The following NBEA variants were observed in gnomAD, a reference collection of about 807,000 sequenced individuals.
NBEA encodes the protein neurobeachin.
NBEA carries 44 observed loss-of-function variants against 343.4 expected under a neutral mutation model. The observed-to-expected ratio is 0.13, with a 90% confidence interval of 0.10 to 0.16. The LOEUF (loss-of-function observed/expected upper bound fraction) is 0.16, where lower values mean the gene tolerates loss of function less well. Ranked by LOEUF, NBEA falls within the 10% of genes least tolerant of loss-of-function variation. The pLI, the probability that NBEA is intolerant of heterozygous loss-of-function variation, is 1.00. For synonymous variants in NBEA, 1,175 were observed against 1,238.7 expected (o/e 0.95, Z 1.08); for missense variants, 2,555 against 3,631.3 (o/e 0.70, Z 7.62).
At chr13:35,059,763 G>A (rs201919972) in intron 8 of NBEA, among the ~76,000 whole-genome samples, 3 of 114,118 alleles carry the variant, frequency 2.6e-5, no homozygotes, top group African/African-American at 8.4e-5. Flanking sequence ...TATATATACA[G>A]AGAGAGAGAG....
intron 38 of NBEA, among the ~76,000 whole-genome samples, chr13:35,364,490 C>T (rs957201827): frequency 6.6e-6 from 1 of 151,676 alleles, no homozygotes; most frequent in African/African-American, 2.4e-5. Flanking sequence ...GATTGATGAG[C>T]AGAAAATTAA....
chr13:35,156,300 G>A (rs1294295601), intron 20 of NBEA, 94 bp downstream of exon 20: 2 of 1,256,832 alleles, frequency 1.6e-6, no homozygotes, highest in African/African-American at 3.2e-5. Flanking sequence ...TTTCCATATT[G>A]CTAAATACTT....
chr13:35,146,003 T>C (rs2068398546), intron 18 of NBEA, among the ~76,000 whole-genome samples: 3 of 152,190 alleles, frequency 2.0e-5, no homozygotes, highest in South Asian at 4.1e-4. Flanking sequence ...AAATTATTTT[T>C]GTCTTTTAAA....
intron 34 of NBEA, among the ~76,000 whole-genome samples, chr13:35,242,649 TTGTACA>T (rs2030510837): frequency 2.0e-5 from 3 of 151,656 alleles, no homozygotes; most frequent in Admixed American, 1.3e-4. Context: ...CAAGAGAAAA[TTGTACA>T]TGTACAATGA....
At chr13:35,213,058 G>C (rs2073873744) in intron 33 of NBEA, among the ~76,000 whole-genome samples, 1 of 151,788 alleles carries the variant, frequency 6.6e-6, no homozygotes, top group East Asian at 1.9e-4. Context: ...AAGTGCTTTT[G>C]GTGTTGTAAA....
Position 35,345,598 on chromosome 13 carries a change from AG to A in NBEA, c.5904-3509del, listed in dbSNP as rs2039827072. On this transcript the variant is annotated intron_variant, in intron 36 of 58. Coordinates refer to ENST00000379939, the MANE Select transcript of NBEA (RefSeq NM_001385012.1). ...TACTTTCCTTAGCAGTCTAGATGTA[AG>A]ACTGAGAAAGGAGACCAGTGTGTTA... Among the ~76,000 whole-genome samples, 3 of 152,164 alleles carry A rather than the reference AG, an allele frequency of 2.0e-5. No individual in the cohort carries two copies. The South Asian group carries it at 6.2e-4, about 32-fold the overall frequency.
Position 35,056,041 on chromosome 13 carries a change from A to G in NBEA, c.1004A>G (p.Asn335Ser), listed in dbSNP as rs757670880. 9.3e-6 allele frequency: 15 copies of G among 1,604,954 alleles called. No individual in the cohort carries two copies. Among genetic ancestry groups the G allele is most frequent in the South Asian group, 3.4e-5 (3 of 89,156 alleles). ...WYMISIVHIY[N>S]RWRNSEIRCY... is the part of the protein sequence containing the mutation. ...ATGATCAGCATTGTCCACATTTACA[A>G]TCGATGGAGGAACAGTGAAATTCGG... is the stretch of plus-strand genomic sequence containing the variant. Residue 335 changes from asparagine to serine, a missense_variant, in exon 7 of 59, where the codon AAT becomes AGT. By Grantham distance (46) the Asn-to-Ser change is conservative. Around this residue, in one of 21 missense-constraint regions of NBEA, gnomAD observed 75 missense variants for 237.4 expected, o/e 0.32. Coordinates refer to ENST00000379939, the MANE Select transcript of NBEA (RefSeq NM_001385012.1).
intron 6 of NBEA, 116 bp downstream of exon 6, chr13:35,050,511 C>A: frequency 9.1e-7 from 1 of 1,099,998 alleles, no homozygotes; most frequent in South Asian, 1.9e-5. Flanking sequence ...TAATTGTTTT[C>A]TCTTATCCTT....
At chr13:35,495,352 AC>A (rs1191182038) in intron 41 of NBEA, among the ~76,000 whole-genome samples, 1 of 151,990 alleles carries the variant, frequency 6.6e-6, no homozygotes, top group Non-Finnish European at 1.5e-5. Flanking sequence ...GCACCTAACA[AC>A]AAAGCCCAAT....
At chr13:35,531,058 C>T (rs972297625) in intron 41 of NBEA, among the ~76,000 whole-genome samples, 1 of 152,170 alleles carries the variant, frequency 6.6e-6, no homozygotes, top group African/African-American at 2.4e-5. Context: ...TAGAAATATG[C>T]TTCTTTGTCA....
intron 33 of NBEA, among the ~76,000 whole-genome samples, chr13:35,219,867 T>TG (rs2074266907): frequency 6.6e-6 from 1 of 152,184 alleles, no homozygotes; most frequent in Non-Finnish European, 1.5e-5. Context: ...ACTGACTAGA[T>TG]GAAGCCTTCT....
chr13:35,320,266 C>T (rs554874700), intron 36 of NBEA, among the ~76,000 whole-genome samples: 84 of 152,202 alleles, frequency 5.5e-4, no homozygotes, highest in South Asian at 8.3e-4. Context: ...CTGTTTCCTT[C>T]GGGAGCTCTT....
chr13:34,976,058 C>G (rs1430349658), intron 1 of NBEA, among the ~76,000 whole-genome samples: 1 of 152,172 alleles, frequency 6.6e-6, no homozygotes, highest in East Asian at 1.9e-4. Flanking sequence ...TTTGATCCAG[C>G]AATCCCACTA....
intron 17 of NBEA, among the ~76,000 whole-genome samples, chr13:35,131,330 G>C (rs546907984): frequency 6.6e-6 from 1 of 152,196 alleles, no homozygotes; most frequent in Non-Finnish European, 1.5e-5. Context: ...ATGAACATGA[G>C]TCTATCAGTT....
chr13:35,140,284 G>A (rs546525441), intron 17 of NBEA, among the ~76,000 whole-genome samples: 14 of 152,136 alleles, frequency 9.2e-5, no homozygotes, highest in South Asian at 4.1e-4. Flanking sequence ...AAACTGCTGG[G>A]ATTACAGGCA....
chr13:35,545,045 T>C (rs1348064783), intron 41 of NBEA, among the ~76,000 whole-genome samples: 2 of 152,192 alleles, frequency 1.3e-5, no homozygotes, highest in Non-Finnish European at 2.9e-5. Context: ...AAAAATATCT[T>C]GGACTATAAT....
intron 44 of NBEA, among the ~76,000 whole-genome samples, chr13:35,557,341 T>C (rs571054589): frequency 1.3e-5 from 2 of 152,220 alleles, no homozygotes; most frequent in Admixed American, 6.5e-5. Context: ...TGGGAGTCTC[T>C]TTATCTGTCC....
At position 35,216,178 on chromosome 13, in the gene NBEA, A is replaced by T. The variant is rs997788057; in HGVS notation, c.5648+4999A>T. 1.3e-4 allele frequency among the ~76,000 whole-genome samples: 19 copies of T among 151,340 alleles called. 1 individual carries two copies. Among genetic ancestry groups the T allele is most frequent in the Admixed American group, 9.9e-4 (15 of 15,142 alleles). On this transcript the variant is annotated intron_variant, in intron 33 of 58. Transcript: ENST00000379939. ...ATTTTTAGAGTGTTTTTTTTCTATT[A>T]TGTGAATTCTGCTCTTATTACTCCT... is the stretch of plus-strand genomic sequence containing the variant.
chr13:35,232,646 T>C (rs200172614), intron 34 of NBEA, 27 bp downstream of exon 34: 163 of 1,422,978 alleles, frequency 1.1e-4, no homozygotes, highest in Admixed American at 2.1e-4. Context: ...ATAATTATTT[T>C]AGTTTCCTAT....
Sources: allele counts gnomAD v4.1 joint callset (sites outside exome capture counted in the v4.1 genomes callset), GRCh38; gene constraint gnomAD v4.1.1; regional missense constraint gnomAD v4.1.1; transcripts MANE v1.5; gene names NCBI Gene and HGNC (gene_info 2026-07-23, HGNC 2026-07-21).